The following POC1B variants were observed in gnomAD, a reference collection of about 807,000 sequenced individuals.
POC1B encodes POC1 centriolar protein B, also known as POC1 centriolar protein homolog B.
A neutral mutation model predicts 60.6 loss-of-function variants in POC1B; 44 were observed. The observed-to-expected ratio is 0.73, with a 90% CI of 0.57 to 0.93. POC1B has a LOEUF of 0.93. Among genes scored for constraint, POC1B ranks in the 40% least tolerant of loss-of-function variants. The pLI, the probability that POC1B is intolerant of heterozygous loss-of-function variation, is 0.00. For missense variants in POC1B, 555 were observed against 572.3 expected (o/e 0.97, Z 0.31); for synonymous variants, 180 against 198.9 (o/e 0.90, Z 0.80).
At chr12:89,459,497 A>G in intron 10 of POC1B, 141 bp downstream of exon 10, 1 of 426,620 alleles carries the variant, frequency 2.3e-6, no homozygotes, top group Non-Finnish European at 4.1e-6. Flanking sequence ...ATATGACTAT[A>G]AAGTTTTTCC....
chr12:89,490,616 A>T (rs57225097), intron 4 of POC1B, among the ~76,000 whole-genome samples: 1,807 of 152,228 alleles, frequency 0.012, 35 homozygotes, highest in African/African-American at 0.041. Context: ...AAGTGCTGGG[A>T]TTACAAGCAT....
chr12:89,414,648 T>C, the POC1B span, among the ~76,000 whole-genome samples: 1 of 152,240 alleles, frequency 6.6e-6, no homozygotes, highest in African/African-American at 2.4e-5. Context: ...AAATGAAGCA[T>C]ATCAATTATA....
chr12:89,459,610 C>CAAAAAA lies in POC1B; in HGVS notation c.1113+22_1113+27dup. 3.4e-5 allele frequency: 30 copies of CAAAAAA among 882,522 alleles called. 1 individual carries two copies. The highest frequency in any genetic ancestry group is 8.4e-5 in the South Asian group (3 of 35,894). 54.7% of individuals were successfully genotyped at this position (882,522 alleles called of 1,614,324 possible). A position where few individuals can be genotyped will look rare whatever the true frequency, so the allele number is the denominator to read the frequency against. ...AAATGATTAAATGCCACTTAAGTGTCAAAAAAAAAAAAAAAAACCCGACTT... is the reference window on the plus strand; with the variant it reads ...AAATGATTAAATGCCACTTAAGTGTCAAAAAAAAAAAAAAAAAAAAAAACCCGACTT... On this transcript the variant is annotated intron_variant, in intron 10 of 11. Transcript: ENST00000313546.
rs141338785 is a variant in POC1B, at chr12:89,495,195, C to T, written c.272+1976G>A. ...TTAATGACTCAGTGAGCTTTTAGCT[C>T]ATCTACCCTTATACAATTTGTTCAC... On this transcript the variant is annotated intron_variant, in intron 3 of 11. Coordinates refer to ENST00000313546, the MANE Select transcript of POC1B (RefSeq NM_172240.3). 2.7e-3 allele frequency among the ~76,000 whole-genome samples: 417 copies of T among 152,306 alleles called. 2 individuals carry two copies. Among genetic ancestry groups the T allele is most frequent in the African/African-American group, 8.3e-3 (345 of 41,570 alleles).
intron 2 of POC1B, chr12:89,524,862 G>C (rs1871286883): frequency 4.8e-6 from 3 of 628,622 alleles, no homozygotes; most frequent in Admixed American, 3.0e-5. Flanking sequence ...CACTCCTCCT[G>C]GTGGTTAGTT....
chr12:89,524,216 G>A, intron 2 of POC1B: 5 of 1,613,992 alleles, frequency 3.1e-6, no homozygotes, highest in East Asian at 2.2e-5. Context: ...TGTCGATGCA[G>A]GGAAATCCTG....
intron 9 of POC1B, chr12:89,460,824 G>A (rs1445941845): frequency 1.3e-5 from 2 of 152,024 alleles, no homozygotes; most frequent in Non-Finnish European, 2.9e-5. Flanking sequence ...ACAAAGAAAA[G>A]CAACAGAATG....
At chr12:89,428,442 A>G (rs946803111) in intron 10 of POC1B, 2 of 152,130 alleles carry the variant, frequency 1.3e-5, no homozygotes, top group Non-Finnish European at 2.9e-5. Flanking sequence ...CTGCTTGTCT[A>G]TTGTCTGTCT....
intron 1 of POC1B, 142 bp downstream of exon 1, chr12:89,525,739 G>T: frequency 7.8e-7 from 1 of 1,288,396 alleles, no homozygotes. Flanking sequence ...AGATACGGAC[G>T]CCCCGGGACG....
intron 2 of POC1B, among the ~76,000 whole-genome samples, chr12:89,508,249 G>C (rs893258495): frequency 6.6e-6 from 1 of 152,124 alleles, no homozygotes; most frequent in African/African-American, 2.4e-5. Flanking sequence ...ACAATGTTTT[G>C]TTAATACCTA....
chr12:89,506,933 C>T (rs914204381), intron 2 of POC1B, among the ~76,000 whole-genome samples: 1 of 151,890 alleles, frequency 6.6e-6, no homozygotes, highest in Non-Finnish European at 1.5e-5. Context: ...AGAATTTGTC[C>T]ATGTGTTTTC....
the POC1B span, among the ~76,000 whole-genome samples, chr12:89,407,883 T>C: frequency 5.9e-5 from 9 of 152,208 alleles, no homozygotes; most frequent in Non-Finnish European, 1.2e-4. Context: ...GGTATACATG[T>C]AACATGGTGG....
At chr12:89,416,884 G>A (rs976716768), downstream of POC1B, among the ~76,000 whole-genome samples, 1 of 152,210 alleles carries the variant, frequency 6.6e-6, no homozygotes, top group Non-Finnish European at 1.5e-5. Flanking sequence ...GAAGCAATGA[G>A]TAGCACAAGT....
At chr12:89,430,826 T>C (rs758108217) in intron 10 of POC1B, among the ~76,000 whole-genome samples, 7 of 152,108 alleles carry the variant, frequency 4.6e-5, no homozygotes, top group Non-Finnish European at 8.8e-5. Flanking sequence ...TCCACATTGG[T>C]TGAACTGAAT....
chr12:89,520,510 TA>T (rs1870759830), intron 2 of POC1B: 1 of 152,178 alleles, frequency 6.6e-6, no homozygotes, highest in Admixed American at 6.5e-5. Context: ...GCATTATTAT[TA>T]ATCCTTCTTA....
chr12:89,491,079 C>T (rs975871130), intron 4 of POC1B, among the ~76,000 whole-genome samples: 12 of 152,128 alleles, frequency 7.9e-5, no homozygotes, highest in South Asian at 2.1e-4. Flanking sequence ...CACAAGTCAG[C>T]GCTGCTCTTG....
chr12:89,514,343 G>T (rs1224838640), intron 2 of POC1B, among the ~76,000 whole-genome samples: 1 of 146,436 alleles, frequency 6.8e-6, no homozygotes, highest in Non-Finnish European at 1.5e-5. Flanking sequence ...TGTATAGCCT[G>T]TGGAACTGTG....
chr12:89,457,197 G>C (rs1170635286), intron 10 of POC1B, among the ~76,000 whole-genome samples: 1 of 152,164 alleles, frequency 6.6e-6, no homozygotes, highest in East Asian at 1.9e-4. Context: ...TCATGCCAAA[G>C]CAGAAATAAA....
At position 89,425,224 on chromosome 12, in the gene POC1B, G is replaced by T. The variant is rs78205937; in HGVS notation, c.1269C>A (p.Ser423Arg). 3 of 1,614,144 alleles carry T rather than the reference G, an allele frequency of 1.9e-6. No homozygotes were observed. Among genetic ancestry groups the T allele is most frequent in the Non-Finnish European group, 2.5e-6 (3 of 1,180,020 alleles). The change falls in exon 11 of 12, where the codon AGC (serine) becomes AGA (arginine). Residue 423 changes from serine to arginine, a missense_variant. Ser to Arg is a moderately radical substitution (Grantham distance 110). Coordinates refer to ENST00000313546, the MANE Select transcript of POC1B (RefSeq NM_172240.3). ...MSDLPCESQR[S>R]IPLAVTDALE... ...AAGCATCAGTCACAGCGAGAGGTAT[G>T]CTCCTTTGACTTTCACAGGGGAGGT...
Sources: allele counts gnomAD v4.1 joint callset (sites outside exome capture counted in the v4.1 genomes callset), GRCh38; gene constraint gnomAD v4.1.1; transcripts MANE v1.5; gene names NCBI Gene and HGNC (gene_info 2026-07-23, HGNC 2026-07-21).